The following PCDHGA3 variants were observed in gnomAD, a reference collection of about 807,000 sequenced individuals.
The protein encoded by PCDHGA3 is protocadherin gamma-A3.
PCDHGA3 carries 40 observed loss-of-function variants against 58.5 expected under a neutral mutation model. The observed-to-expected ratio is 0.68, with a 90% CI of 0.53 to 0.89. PCDHGA3 has a LOEUF of 0.89. PCDHGA3 is among the 40% of genes least tolerant of loss of function. The probability of loss-of-function intolerance (pLI) is 0.00; values close to 1 mark genes in which losing one functional copy is unlikely to be tolerated. For synonymous variants in PCDHGA3, 530 were observed against 525.7 expected, an observed-to-expected ratio of 1.01 and a Z score of -0.11; for missense variants, 1,223 against 1,195.9, an observed-to-expected ratio of 1.02 and a Z score of -0.33.
intron 3 of PCDHGA3, among the ~76,000 whole-genome samples, chr5:141,509,040 C>T (rs1217864661): frequency 6.6e-6 from 1 of 152,132 alleles, no homozygotes; most frequent in African/African-American, 2.4e-5. Context: ...CAACCCCTCT[C>T]CCCCGCCCCC....
rs201073884 is a variant in PCDHGA3 at position 141,486,264 on chromosome 5, A to C, written c.2425-8543A>C. On this transcript the variant is annotated intron_variant, in intron 1 of 3. Coordinates refer to ENST00000253812, the MANE Select transcript of PCDHGA3 (RefSeq NM_018916.4). This position sits in a 1 kb window ranked among gnomAD's most constrained non-coding sequence, Gnocchi z 5.0. The stretch of plus-strand genomic sequence containing the variant: ...CTTGGAACCCTCCCCGAGAGTGCAG[A>C]ACCTGGCACTGTGGTGGCACTTATC... 8 of 1,614,032 alleles carry C rather than the reference A, an allele frequency of 5.0e-6. No individual in the cohort carries two copies. The East Asian group carries it at 1.6e-4, about 31-fold the overall frequency.
At chr5:141,414,557 A>T (rs749209012) in intron 1 of PCDHGA3, 25 of 1,613,906 alleles carry the variant, frequency 1.5e-5, no homozygotes, top group Non-Finnish European at 2.0e-5. Flanking sequence ...CAAGTCTCCT[A>T]CTTTACCTAT....
chr5:141,361,529 ATCC>A (rs768400418), intron 1 of PCDHGA3: 1 of 1,614,030 alleles, frequency 6.2e-7, no homozygotes, highest in South Asian at 1.1e-5. Context: ...GCAGAGAACA[ATCC>A]TCCTGGCGCC....
chr5:141,365,084 C>T lies in PCDHGA3; in HGVS notation c.2424+18627C>T, dbSNP rs75563633. The T allele has an allele frequency of 1.4e-5, 22 of 1,613,718 alleles. No homozygotes were observed. The South Asian group carries it at 1.4e-4, about 10-fold the overall frequency. On this transcript the variant is annotated intron_variant, in intron 1 of 3. Transcript: ENST00000253812. Reference sequence around the variant, plus strand: ...CCCATCCGAGTACAGCGTGAGTGTTCCAGAGAACATACCTGTGGGCACTCG... The same window carrying T: ...CCCATCCGAGTACAGCGTGAGTGTTTCAGAGAACATACCTGTGGGCACTCG...
chr5:141,369,864 C>G lies in PCDHGA3; in HGVS notation c.2424+23407C>G, dbSNP rs184751996. Reference sequence around the variant, plus strand: ...GTATTATTTTATTTGGCCCTCATTTCTACTAGAGTAAGCAGAGAAGATATT... The same window carrying G: ...GTATTATTTTATTTGGCCCTCATTTGTACTAGAGTAAGCAGAGAAGATATT... On this transcript the variant is annotated intron_variant, in intron 1 of 3. Transcript: ENST00000253812. Among the ~76,000 whole-genome samples, 368 of 152,244 alleles carry G rather than the reference C, an allele frequency of 2.4e-3. 5 individuals carry two copies. Among genetic ancestry groups the G allele is most frequent in the African/African-American group, 8.5e-3 (353 of 41,550 alleles).
chr5:141,383,219 A>G (rs1333678455), intron 1 of PCDHGA3: 2 of 1,614,000 alleles, frequency 1.2e-6, no homozygotes, highest in Admixed American at 3.3e-5. Context: ...GTAAACTTTA[A>G]CATCCTGATG....
At chr5:141,347,651 G>A (rs898058080) in intron 1 of PCDHGA3, among the ~76,000 whole-genome samples, 1 of 152,028 alleles carries the variant, frequency 6.6e-6, no homozygotes, top group African/African-American at 2.4e-5. Context: ...GCTGGGCATG[G>A]TGGTGGGCGC....
chr5:141,385,638 T>C lies in PCDHGA3; in HGVS notation c.2424+39181T>C, dbSNP rs773812795. 80 of 831,646 alleles carry C rather than the reference T, an allele frequency of 9.6e-5. 1 individual carries two copies. Among genetic ancestry groups the C allele is most frequent in the Non-Finnish European group, 1.2e-4 (78 of 652,914 alleles). 51.5% of individuals were successfully genotyped at this position (831,646 alleles called of 1,614,324 possible). A position where few individuals can be genotyped will look rare whatever the true frequency, so the allele number is the denominator to read the frequency against. ...TATACATTGGAATGAATCGAGTCTT[T>C]CATATTGCACAAGGTTAGCAGGAAT... is the stretch of plus-strand genomic sequence containing the variant. On this transcript the variant is annotated intron_variant, in intron 1 of 3. Transcript: ENST00000253812.
At chr5:141,374,140 C>G in intron 1 of PCDHGA3, 1 of 1,609,666 alleles carries the variant, frequency 6.2e-7, no homozygotes, top group Non-Finnish European at 8.5e-7. Flanking sequence ...TCCTCACGCT[C>G]CTGGGGACGC....
intron 1 of PCDHGA3, among the ~76,000 whole-genome samples, chr5:141,450,976 C>T (rs2098702750): frequency 6.6e-6 from 1 of 152,032 alleles, no homozygotes; most frequent in Admixed American, 6.6e-5. Flanking sequence ...AGGCATGTGC[C>T]ACCACACCCG....
At chr5:141,421,813 G>A in intron 1 of PCDHGA3, 1 of 1,613,838 alleles carries the variant, frequency 6.2e-7, no homozygotes, top group Non-Finnish European at 8.5e-7. Flanking sequence ...TCCAGAGCTA[G>A]TACTGGAGGG....
chr5:141,373,958 C>T, intron 1 of PCDHGA3: 1 of 917,866 alleles, frequency 1.1e-6, no homozygotes, highest in Non-Finnish European at 1.5e-6. Context: ...AAATTCTGAC[C>T]TGAAACGCTT....
intron 1 of PCDHGA3, chr5:141,420,546 G>T: frequency 3.5e-6 from 1 of 284,254 alleles, no homozygotes; most frequent in Admixed American, 5.0e-5. Flanking sequence ...ATAAAATACA[G>T]GTATATTTTT....
intron 1 of PCDHGA3, chr5:141,388,956 G>A (rs1010974359): frequency 1.9e-6 from 3 of 1,613,964 alleles, no homozygotes; most frequent in South Asian, 1.1e-5. Flanking sequence ...TATGGAGGAC[G>A]CCGAGCTGGG....
chr5:141,439,960 T>G (rs1297261423), intron 1 of PCDHGA3: 1 of 152,668 alleles, frequency 6.6e-6, no homozygotes, highest in African/African-American at 2.4e-5. Flanking sequence ...AGATCCGTTA[T>G]TCAGTCCTAG....
intron 1 of PCDHGA3, among the ~76,000 whole-genome samples, chr5:141,459,682 A>G (rs557568098): frequency 2.4e-4 from 37 of 152,358 alleles, no homozygotes; most frequent in African/African-American, 8.2e-4. Flanking sequence ...AGCAATGCAT[A>G]AAGCGTTCCG....
chr5:141,401,446 A>G (rs1200787289), intron 1 of PCDHGA3, among the ~76,000 whole-genome samples: 1 of 152,244 alleles, frequency 6.6e-6, no homozygotes, highest in Non-Finnish European at 1.5e-5. Context: ...GAAGGTCCAA[A>G]TCATCCAAAT....
intron 1 of PCDHGA3, chr5:141,428,805 C>G (rs1468764398): frequency 6.6e-6 from 1 of 152,108 alleles, no homozygotes; most frequent in African/African-American, 2.4e-5. Flanking sequence ...GGGCCAGTAA[C>G]TTCATTATTA....
chr5:141,410,415 T>C (rs1589759810), intron 1 of PCDHGA3: 1 of 1,614,066 alleles, frequency 6.2e-7, no homozygotes. Flanking sequence ...TCTGGACCTG[T>C]AGTTCCCCCC....
Sources: gnomAD v4.1 joint callset for allele counts (sites outside exome capture counted in the v4.1 genomes callset) on GRCh38, gnomAD v4.1.1 for gene constraint, Gnocchi (gnomAD v3.1) non-coding constraint, MANE v1.5 for transcripts, NCBI Gene and HGNC (gene_info 2026-07-23, HGNC 2026-07-21) for gene names.